Variants in LURAP1 observed in about 807,000 individuals in gnomAD.
The protein encoded by LURAP1 is leucine rich adaptor protein 1, also known as NF-kappa-B activator C1orf190.
A neutral mutation model predicts 19.0 loss-of-function variants in LURAP1; 14 were observed. The ratio of observed to expected loss-of-function variants is 0.74; its 90% CI spans 0.49 to 1.15. The LOEUF (loss-of-function observed/expected upper bound fraction) is 1.15. LURAP1 is among the 50% of genes most tolerant of loss of function. The pLI, the probability that LURAP1 is intolerant of heterozygous loss-of-function variation, is 0.00. For synonymous variants in LURAP1, 129 were observed against 131.8 expected, an observed-to-expected ratio of 0.98 and a Z score of 0.14; for missense variants, 273 against 309.1, an observed-to-expected ratio of 0.88 and a Z score of 0.87.
Position 46,219,695 on chromosome 1 carries a change from C to T in LURAP1, c.199-4C>T. On this transcript the variant is annotated splice_polypyrimidine_tract_variant and splice_region_variant and intron_variant, in intron 1 of 1. Transcript: ENST00000371980. ...GGGACTAATTCCTTCTCCCACTCCCCCAGGCTTACCTGCGAGCCATCGATG... is the reference window on the plus strand; with the variant it reads ...GGGACTAATTCCTTCTCCCACTCCCTCAGGCTTACCTGCGAGCCATCGATG... 1 of 1,575,900 alleles carries T rather than the reference C, an allele frequency of 6.3e-7. No homozygotes were observed. Among genetic ancestry groups the T allele is most frequent in the Non-Finnish European group, 8.6e-7 (1 of 1,159,888 alleles).
At position 46,203,613 on chromosome 1, in the gene LURAP1, A is replaced by C; in HGVS notation, c.187A>C (p.Lys63Gln). 4.4e-6 allele frequency: 7 copies of C among 1,601,386 alleles called. No homozygotes were observed. Among genetic ancestry groups the C allele is most frequent in the Non-Finnish European group, 6.0e-6 (7 of 1,175,086 alleles). The change falls in exon 1 of 2, where the codon AAG becomes CAG. Residue 63 changes from lysine to glutamine, a missense_variant. Physicochemically the swap from Lys to Gln is moderately conservative, Grantham distance 53. Coordinates refer to ENST00000371980, the MANE Select transcript of LURAP1 (RefSeq NM_001013615.3). Reference sequence around the variant, plus strand: ...CTTGGGGGACAAGATCATGGCGCTGAAGATGGAGCTGGTGAGTGCTGAATC... The same window carrying C: ...CTTGGGGGACAAGATCATGGCGCTGCAGATGGAGCTGGTGAGTGCTGAATC... ...HDLGDKIMAL[K>Q]MELAYLRAID...
At chr1:46,217,842 A>G (rs1233683895) in intron 1 of LURAP1, among the ~76,000 whole-genome samples, 1 of 152,138 alleles carries the variant, frequency 6.6e-6, no homozygotes, top group African/African-American at 2.4e-5. Context: ...GGGCAACAAG[A>G]GAGAAACTCT....
At chr1:46,204,196 G>A (rs1272647086) in intron 1 of LURAP1, among the ~76,000 whole-genome samples, 1 of 152,074 alleles carries the variant, frequency 6.6e-6, no homozygotes, top group Non-Finnish European at 1.5e-5. Flanking sequence ...CCCATAGCAG[G>A]GACAGAGAGT....
intron 1 of LURAP1, among the ~76,000 whole-genome samples, chr1:46,212,500 C>T (rs1658932771): frequency 6.6e-6 from 1 of 151,948 alleles, no homozygotes; most frequent in African/African-American, 2.4e-5. Flanking sequence ...CCAGGATGGT[C>T]TTGATCTCCT....
chr1:46,213,869 A>G (rs1439574841), intron 1 of LURAP1, among the ~76,000 whole-genome samples: 1 of 152,098 alleles, frequency 6.6e-6, no homozygotes, highest in Non-Finnish European at 1.5e-5. Context: ...GAAAAAAAAA[A>G]AAGATACAGA....
At chr1:46,204,342 A>G (rs972811544) in intron 1 of LURAP1, among the ~76,000 whole-genome samples, 1 of 151,984 alleles carries the variant, frequency 6.6e-6, no homozygotes, top group Non-Finnish European at 1.5e-5. Context: ...CCCTTTCTCT[A>G]TTGCTGCTGG....
chr1:46,212,139 T>A (rs1371368050), intron 1 of LURAP1, among the ~76,000 whole-genome samples: 1 of 152,204 alleles, frequency 6.6e-6, no homozygotes, highest in African/African-American at 2.4e-5. Context: ...CCTGAATAAT[T>A]CAATAAACAT....
At position 46,219,693 on chromosome 1, in the gene LURAP1, C is replaced by A. The variant is rs1022151437; in HGVS notation, c.199-6C>A. On this transcript the variant is annotated splice_polypyrimidine_tract_variant and splice_region_variant and intron_variant, in intron 1 of 1. Coordinates refer to ENST00000371980, the MANE Select transcript of LURAP1 (RefSeq NM_001013615.3). The stretch of plus-strand genomic sequence containing the variant: ...CTGGGACTAATTCCTTCTCCCACTC[C>A]CCCAGGCTTACCTGCGAGCCATCGA... 6 of 1,574,546 alleles carry A rather than the reference C, an allele frequency of 3.8e-6. No homozygotes were observed. In the African/African-American group the frequency reaches 8.1e-5, roughly 21 times the overall value.
At chr1:46,206,487 C>T (rs1658720665) in intron 1 of LURAP1, among the ~76,000 whole-genome samples, 1 of 152,064 alleles carries the variant, frequency 6.6e-6, no homozygotes, top group African/African-American at 2.4e-5. Flanking sequence ...GAGTAGGGAG[C>T]CTGAATCTCC....
chr1:46,216,409 A>G (rs1659072485), intron 1 of LURAP1, among the ~76,000 whole-genome samples: 2 of 152,002 alleles, frequency 1.3e-5, no homozygotes, highest in African/African-American at 4.8e-5. Flanking sequence ...TGGCACCACC[A>G]TGGATCACTG....
intron 1 of LURAP1, among the ~76,000 whole-genome samples, chr1:46,208,725 C>G (rs1216265299): frequency 6.6e-6 from 1 of 152,104 alleles, no homozygotes; most frequent in East Asian, 1.9e-4. Flanking sequence ...CCTGTAATCC[C>G]AGCTACTAGG....
At chr1:46,209,290 C>T (rs1658819358) in intron 1 of LURAP1, among the ~76,000 whole-genome samples, 1 of 152,102 alleles carries the variant, frequency 6.6e-6, no homozygotes, top group Non-Finnish European at 1.5e-5. Flanking sequence ...TCCCAAAGTG[C>T]TGGGATTACA....
At chr1:46,208,911 A>C (rs1034082686) in intron 1 of LURAP1, among the ~76,000 whole-genome samples, 1 of 152,180 alleles carries the variant, frequency 6.6e-6, no homozygotes, top group Non-Finnish European at 1.5e-5. Flanking sequence ...AATAAGAGAC[A>C]AGGTAATAGG....
chr1:46,211,210 C>T (rs370952967), intron 1 of LURAP1, among the ~76,000 whole-genome samples: 3 of 152,108 alleles, frequency 2.0e-5, no homozygotes, highest in African/African-American at 2.4e-5. Flanking sequence ...TCTTATTGGC[C>T]TCTCTCTGCG....
intron 1 of LURAP1, among the ~76,000 whole-genome samples, chr1:46,208,121 A>G (rs1464371468): frequency 6.6e-6 from 1 of 152,060 alleles, no homozygotes; most frequent in East Asian, 1.9e-4. Context: ...TGGCCTCCCA[A>G]AGTGCTGGGA....
chr1:46,215,893 C>T (rs953434295), intron 1 of LURAP1, among the ~76,000 whole-genome samples: 6 of 152,114 alleles, frequency 3.9e-5, no homozygotes, highest in African/African-American at 1.4e-4. Flanking sequence ...GAGTAAGACC[C>T]TGTCTCAAAA....
chr1:46,208,139 T>C (rs2148240004), intron 1 of LURAP1, among the ~76,000 whole-genome samples: 1 of 152,134 alleles, frequency 6.6e-6, no homozygotes, highest in Non-Finnish European at 1.5e-5. Context: ...GGATTACAGG[T>C]GTGAGCCACC....
At chr1:46,209,205 G>A (rs972759074) in intron 1 of LURAP1, among the ~76,000 whole-genome samples, 4 of 152,108 alleles carry the variant, frequency 2.6e-5, no homozygotes, top group East Asian at 1.9e-4. Context: ...TGTATTTTTC[G>A]TAGAGATGGG....
intron 1 of LURAP1, 22 bp from the exon 2 acceptor site, chr1:46,219,677 A>G: frequency 6.4e-7 from 1 of 1,550,642 alleles, no homozygotes; most frequent in Non-Finnish European, 8.7e-7. Flanking sequence ...ACTGGGACTA[A>G]TTCCTTCTCC....
Sources: allele counts gnomAD v4.1 joint callset (sites outside exome capture counted in the v4.1 genomes callset), GRCh38; gene constraint gnomAD v4.1.1; transcripts MANE v1.5; gene names NCBI Gene and HGNC (gene_info 2026-07-23, HGNC 2026-07-21).